PCDHA10: variants seen among roughly 807,000 people sequenced by gnomAD.
PCDHA10 encodes protocadherin alpha 10, also known as protocadherin alpha-10.
A neutral mutation model predicts 61.2 loss-of-function variants in PCDHA10; 45 were observed. The ratio of observed to expected loss-of-function variants is 0.74; its 90% CI spans 0.58 to 0.94. The LOEUF is 0.94. Among genes scored for constraint, PCDHA10 ranks in the 40% least tolerant of loss-of-function variants. The probability of loss-of-function intolerance (pLI) is 0.00; values close to 1 mark genes in which losing one functional copy is unlikely to be tolerated. For synonymous variants in PCDHA10, 602 were observed against 548.8 expected, an observed-to-expected ratio of 1.10 and a Z score of -1.35; for missense variants, 1,278 against 1,236.2, an observed-to-expected ratio of 1.03 and a Z score of -0.51.
chr5:140,889,497 A>G (rs1024054854), intron 1 of PCDHA10, among the ~76,000 whole-genome samples: 1 of 152,188 alleles, frequency 6.6e-6, no homozygotes, highest in South Asian at 2.1e-4. Flanking sequence ...ATCTATAGTG[A>G]TATTTCCCTT....
chr5:140,985,606 C>A (rs1008038466), intron 3 of PCDHA10, among the ~76,000 whole-genome samples: 1 of 152,300 alleles, frequency 6.6e-6, no homozygotes, highest in South Asian at 2.1e-4. Context: ...AGAGCCCTTT[C>A]CGTGAACCAG....
chr5:140,937,493 C>T (rs1158473278), intron 1 of PCDHA10, among the ~76,000 whole-genome samples: 3 of 152,020 alleles, frequency 2.0e-5, no homozygotes, highest in Non-Finnish European at 2.9e-5. Flanking sequence ...GGCACATACC[C>T]GTAATCCCAG....
chr5:140,953,961 G>C lies in PCDHA10; in HGVS notation c.2389-24988G>C, dbSNP rs140078691. ...CCCATTGCTCCCCCAACAGGCCCCA[G>C]TGTGTGTTGTTCCCCTTCATATTTT... On this transcript the variant is annotated intron_variant, in intron 1 of 3. Coordinates refer to ENST00000307360, the MANE Select transcript of PCDHA10 (RefSeq NM_018901.4). 1.0e-3 allele frequency among the ~76,000 whole-genome samples: 152 copies of C among 152,128 alleles called. 3 individuals are homozygous for C. In the East Asian group the frequency reaches 0.026, roughly 26 times the overall value.
intron 1 of PCDHA10, among the ~76,000 whole-genome samples, chr5:140,871,781 T>C (rs2053304252): frequency 6.6e-6 from 1 of 152,238 alleles, no homozygotes. Flanking sequence ...CTGTAGTCAC[T>C]TGAGTAGAAA....
At chr5:140,966,645 C>A in intron 1 of PCDHA10, 1 of 1,125,650 alleles carries the variant, frequency 8.9e-7, no homozygotes, top group African/African-American at 1.7e-5. Context: ...CTTTCTAGAG[C>A]GTGAGCGGTG....
chr5:140,977,232 A>G (rs2096751038), intron 1 of PCDHA10, among the ~76,000 whole-genome samples: 1 of 152,368 alleles, frequency 6.6e-6, no homozygotes, highest in East Asian at 1.9e-4. Flanking sequence ...ACCCAATCAT[A>G]GAAAAATTGG....
chr5:140,927,159 C>T (rs782468229), intron 1 of PCDHA10: 2 of 1,614,164 alleles, frequency 1.2e-6, no homozygotes, highest in South Asian at 2.2e-5. Context: ...TGTGCAGGGC[C>T]AAAGCTGCCT....
chr5:140,887,722 T>C (rs1214089693), intron 1 of PCDHA10, among the ~76,000 whole-genome samples: 2 of 152,200 alleles, frequency 1.3e-5, no homozygotes, highest in Non-Finnish European at 2.9e-5. Context: ...AATAGTTTTT[T>C]CTTTCCTTCC....
rs781889029 is a variant in PCDHA10 at position 140,870,331 on chromosome 5, AGCGCCCTGGACC to A, written c.2388+11899_2388+11910del. The A allele has an allele frequency of 4.3e-6, 7 of 1,614,160 alleles. No homozygotes were observed. The South Asian group carries it at 7.7e-5, about 18-fold the overall frequency. Reference sequence around the variant, plus strand: ...GAATTACTACTCGTTGGTGCTGGACAGCGCCCTGGACCGCGAGAACGTGTGGGCCTATGAACT... The same window carrying A: ...GAATTACTACTCGTTGGTGCTGGACAGCGAGAACGTGTGGGCCTATGAACT... On this transcript the variant is annotated intron_variant, in intron 1 of 3. Coordinates refer to ENST00000307360, the MANE Select transcript of PCDHA10 (RefSeq NM_018901.4).
intron 1 of PCDHA10, among the ~76,000 whole-genome samples, chr5:140,933,650 CCTGTCTCTCTCT>C (rs1218539002): frequency 2.6e-5 from 4 of 151,890 alleles, no homozygotes; most frequent in South Asian, 2.1e-4. Context: ...AGTTGGAAAT[CCTGTCTCTCTCT>C]CTGTCTCTCT....
intron 1 of PCDHA10, chr5:140,876,694 G>A (rs1196941664): frequency 6.2e-7 from 1 of 1,614,142 alleles, no homozygotes; most frequent in African/African-American, 1.3e-5. Flanking sequence ...CTACTCGTTG[G>A]TGCTGGACAG....
chr5:140,921,168 C>A (rs1260180010), intron 1 of PCDHA10, among the ~76,000 whole-genome samples: 1 of 151,534 alleles, frequency 6.6e-6, no homozygotes, highest in Non-Finnish European at 1.5e-5. Context: ...TTTTAACACA[C>A]ATAAAGCACA....
intron 1 of PCDHA10, chr5:140,875,922 T>C: frequency 6.2e-7 from 1 of 1,614,200 alleles, no homozygotes; most frequent in South Asian, 1.1e-5. Context: ...CTCTGGACTC[T>C]CATTTTCCTC....
rs1554177749 is a variant in PCDHA10 at position 140,883,345 on chromosome 5, C to T, written c.2388+24909C>T. The T allele has an allele frequency of 1.9e-6, 3 of 1,614,050 alleles. No homozygotes were observed. In the African/African-American group the frequency reaches 4.0e-5, roughly 22 times the overall value. On this transcript the variant is annotated intron_variant, in intron 1 of 3. Transcript: ENST00000307360. ...CCATCACTTCTTTGTCACTCCCCAT[C>T]AGAGAAGACACTCAGCCTAGCGCCA...
chr5:140,882,284 C>T (rs782560108), intron 1 of PCDHA10: 7 of 1,612,734 alleles, frequency 4.3e-6, no homozygotes, highest in Non-Finnish European at 5.9e-6. Context: ...GTCTTCCTGG[C>T]AAGGAGGCCC....
chr5:140,913,659 A>T (rs1414002446), intron 1 of PCDHA10, among the ~76,000 whole-genome samples: 2 of 152,044 alleles, frequency 1.3e-5, no homozygotes, highest in Non-Finnish European at 2.9e-5. Flanking sequence ...TTTAAGATGT[A>T]TAGTTAGGTT....
chr5:141,003,273 G>A (rs782391603), intron 3 of PCDHA10, among the ~76,000 whole-genome samples: 5 of 152,214 alleles, frequency 3.3e-5, no homozygotes, highest in Admixed American at 6.5e-5. Context: ...TAAGGGAAGT[G>A]CCCAAATTGG....
chr5:140,871,032 C>G (rs1554165004), intron 1 of PCDHA10: 1 of 1,613,304 alleles, frequency 6.2e-7, no homozygotes. Flanking sequence ...ACTCGCCGCG[C>G]CACCGACTTC....
rs934191848 is a variant in PCDHA10 at position 140,866,248 on chromosome 5, C to A, written c.2388+7812C>A. 5.9e-5 allele frequency: 9 copies of A among 152,184 alleles called. 1 individual carries two copies. Among genetic ancestry groups the A allele is most frequent in the Admixed American group, 3.9e-4 (6 of 15,284 alleles). 9.4% of individuals were successfully genotyped at this position (152,184 alleles called of 1,614,324 possible). A position where few individuals can be genotyped will look rare whatever the true frequency, so the allele number is the denominator to read the frequency against. ...TAAATACTATATACCAAAAATGACACCCTTCTTTCTTTACTGTGAATAAAG... is the reference window on the plus strand; with the variant it reads ...TAAATACTATATACCAAAAATGACAACCTTCTTTCTTTACTGTGAATAAAG... On this transcript the variant is annotated intron_variant, in intron 1 of 3. Coordinates refer to ENST00000307360, the MANE Select transcript of PCDHA10 (RefSeq NM_018901.4).
Sources: gnomAD v4.1 joint callset for allele counts (sites outside exome capture counted in the v4.1 genomes callset) on GRCh38, gnomAD v4.1.1 for gene constraint, MANE v1.5 for transcripts, NCBI Gene and HGNC (gene_info 2026-07-23, HGNC 2026-07-21) for gene names.